Variants in PPP1R1B observed in about 807,000 individuals in gnomAD.
PPP1R1B encodes the protein protein phosphatase 1 regulatory inhibitor subunit 1B, also known as protein phosphatase 1 regulatory subunit 1B.
A neutral mutation model predicts 28.2 loss-of-function variants in PPP1R1B; 13 were observed. The observed-to-expected ratio is 0.46, with a 90% CI of 0.30 to 0.73. PPP1R1B has a LOEUF of 0.73. Among genes scored for constraint, PPP1R1B ranks in the 30% least tolerant of loss-of-function variants. The pLI, the probability that PPP1R1B is intolerant of heterozygous loss-of-function variation, is 0.07. For missense variants in PPP1R1B, 236 were observed against 256.7 expected (o/e 0.92, Z 0.55); for synonymous variants, 102 against 97.5 (o/e 1.05, Z -0.27).
In PPP1R1B at chr17:39,636,388, G is replaced by T. The variant is rs1340817995; in HGVS notation, c.*523G>T. 6.5e-6 allele frequency: 1 copy of T among 153,822 alleles called. No homozygotes were observed. 9.5% of individuals were successfully genotyped at this position (153,822 alleles called of 1,614,324 possible). Reference sequence around the variant, plus strand: ...TTTCTCCATAGCCTCAACATTTTGGGAATCTTCCCTTAATCACCCTTGCTC... The same window carrying T: ...TTTCTCCATAGCCTCAACATTTTGGTAATCTTCCCTTAATCACCCTTGCTC... On this transcript the variant is annotated 3_prime_UTR_variant, in exon 7 of 7. Transcript: ENST00000254079.
At chr17:39,629,390 C>A in intron 2 of PPP1R1B, 150 bp from the exon 3 acceptor site, 2 of 1,253,594 alleles carry the variant, frequency 1.6e-6, no homozygotes, top group Non-Finnish European at 2.3e-6. Flanking sequence ...TGACATGACA[C>A]CTCCCAGCCG....
rs763784768 is a variant in PPP1R1B at position 39,627,376 on chromosome 17, C to G, written c.-17C>G. 1 of 1,584,906 alleles carries G rather than the reference C, an allele frequency of 6.3e-7. No individual in the cohort carries two copies. Among genetic ancestry groups the G allele is most frequent in the South Asian group, 1.1e-5 (1 of 89,322 alleles). On this transcript the variant is annotated 5_prime_UTR_variant, in exon 1 of 7. Coordinates refer to ENST00000254079, the MANE Select transcript of PPP1R1B (RefSeq NM_032192.4). ...CCCGAGTCGCGCACCCCAGCCCCAC[C>G]GCCCACCCCGCGCGCCATGGACCCC...
intron 2 of PPP1R1B, 32 bp from the exon 3 acceptor site, chr17:39,629,507 TC>T: frequency 6.2e-7 from 1 of 1,613,558 alleles, no homozygotes; most frequent in Non-Finnish European, 8.5e-7. Flanking sequence ...CTCGCTTGGT[TC>T]TGGTTCGGTT....
intron 3 of PPP1R1B, among the ~76,000 whole-genome samples, 164 bp downstream of exon 3, chr17:39,629,726 A>G (rs2144837234): frequency 6.6e-6 from 1 of 152,356 alleles, no homozygotes. Flanking sequence ...GGGTGCCACC[A>G]GCAGATCCTC....
rs747625780 is a variant in PPP1R1B at position 39,634,028 on chromosome 17, A to C, written c.387A>C (p.Glu129Asp). Residue 129 changes from glutamate (E) to aspartate (D), a missense_variant, in exon 5 of 7, where the codon GAA (glutamate) becomes GAC (aspartate). Physicochemically the swap from Glu to Asp is conservative, Grantham distance 45. Coordinates refer to ENST00000254079, the MANE Select transcript of PPP1R1B (RefSeq NM_032192.4). ...ATGAGGAGGAAGAGGAGGATGATGA[A>C]GAAGAGGAAGAAGAAGAGGACAGCC... ...EEDEEEEEDD[E>D]EEEEEEDSQA... 1.2e-6 allele frequency: 2 copies of C among 1,613,876 alleles called. No individual in the cohort carries two copies. The highest frequency in any genetic ancestry group is 1.7e-6 in the Non-Finnish European group (2 of 1,179,920).
In PPP1R1B at chr17:39,633,975, C is replaced by G; in HGVS notation, c.334C>G (p.Arg112Gly). 6.2e-7 allele frequency: 1 copy of G among 1,613,806 alleles called. No individual in the cohort carries two copies. Among genetic ancestry groups the G allele is most frequent in the Non-Finnish European group, 8.5e-7 (1 of 1,179,886 alleles). The change falls in exon 5 of 7, where the codon CGG becomes GGG. Residue 112 changes from arginine to glycine, a missense_variant. Coordinates refer to ENST00000254079, the MANE Select transcript of PPP1R1B (RefSeq NM_032192.4). Reference protein sequence around the residue: ...SEEEDELGELRELGYPREEDE... With the variant: ...SEEEDELGELGELGYPREEDE... The stretch of plus-strand genomic sequence containing the variant: ...GGAGGAGGATGAGCTGGGGGAGCTT[C>G]GGGAGCTGGGTTATCCAAGAGAGGA...
intron 4 of PPP1R1B, 106 bp downstream of exon 4, chr17:39,630,153 G>A (rs2056866469): frequency 1.3e-5 from 14 of 1,097,440 alleles, no homozygotes; most frequent in Non-Finnish European, 1.8e-5. Flanking sequence ...GCCACACATA[G>A]CCCGCTGTCA....
rs758576278 is a variant in PPP1R1B, at chr17:39,634,019, GGAT to G, written c.384_386del (p.Asp128del). 24 of 1,613,802 alleles carry G rather than the reference GGAT, an allele frequency of 1.5e-5. No individual in the cohort carries two copies. Among genetic ancestry groups the G allele is most frequent in the East Asian group, 2.2e-5 (1 of 44,890 alleles). ...GAGAGGAAGATGAGGAGGAAGAGGAGGATGATGAAGAAGAGGAAGAAGAAGAGG... is the reference window on the plus strand; with the variant it reads ...GAGAGGAAGATGAGGAGGAAGAGGAGGATGAAGAAGAGGAAGAAGAAGAGG... On this transcript the variant is annotated inframe_deletion, in exon 5 of 7. Transcript: ENST00000254079.
rs769711711 is a variant in PPP1R1B, at chr17:39,627,496, C to T, written c.81+23C>T. The T allele has an allele frequency of 5.6e-6, 8 of 1,437,938 alleles. No individual in the cohort carries two copies. In the African/African-American group the frequency reaches 5.8e-5, roughly 10 times the overall value. The allele number at this position is 1,437,938 out of a possible 1,614,324, so 89.1% of individuals were successfully genotyped here. On this transcript the variant is annotated intron_variant, in intron 1 of 6. Coordinates refer to ENST00000254079, the MANE Select transcript of PPP1R1B (RefSeq NM_032192.4). ...ATGGTAAGGGGCCCGTGCCCCACCC[C>T]GGCAGCGTACCCGACACACCCCGCG... is the stretch of plus-strand genomic sequence containing the variant.
At chr17:39,627,772 G>A (rs574687118) in intron 1 of PPP1R1B, among the ~76,000 whole-genome samples, 5 of 152,176 alleles carry the variant, frequency 3.3e-5, no homozygotes, top group Non-Finnish European at 5.9e-5. Context: ...GGGTGGGGGC[G>A]TCCTTTGGTC....
chr17:39,630,128 G>A lies in PPP1R1B; in HGVS notation c.241+81G>A. The A allele has an allele frequency of 1.3e-5, 18 of 1,342,092 alleles. No homozygotes were observed. The Middle Eastern group carries it at 5.4e-4, about 41-fold the overall frequency. 83.1% of individuals were successfully genotyped at this position (1,342,092 alleles called of 1,614,324 possible). A position where few individuals can be genotyped will look rare whatever the true frequency, so the allele number is the denominator to read the frequency against. On this transcript the variant is annotated intron_variant, in intron 4 of 6. Transcript: ENST00000254079. ...GACGCTAGGGGAGCTTTTGTCAGTG[G>A]GGAGGGATTGTTTCGCCACACATAG...
intron 1 of PPP1R1B, among the ~76,000 whole-genome samples, chr17:39,628,283 C>G (rs1483498423): frequency 6.6e-6 from 1 of 151,956 alleles, no homozygotes; most frequent in African/African-American, 2.4e-5. Context: ...GGGTACAGTC[C>G]TGGGCCTAAG....
Position 39,627,157 on chromosome 17 carries a change from G to A in PPP1R1B, c.-236G>A. On this transcript the variant is annotated 5_prime_UTR_variant, in exon 1 of 7. Transcript: ENST00000254079. ...GAGCGAGGCACAGACCTGGCTCAGC[G>A]AGCGCGGGGGGCGAGCCCCGAGTCC... 1 of 470,988 alleles carries A rather than the reference G, an allele frequency of 2.1e-6. No individual in the cohort carries two copies. The allele number at this position is 470,988 out of a possible 1,614,324, so 29.2% of individuals were successfully genotyped here.
chr17:39,635,500 T>C (rs2056912742), intron 5 of PPP1R1B, 107 bp from the exon 6 acceptor site: 15 of 1,432,090 alleles, frequency 1.0e-5, no homozygotes, highest in Non-Finnish European at 1.4e-5. Context: ...GCTTCCATGA[T>C]GCCCCTGGAA....
chr17:39,634,096 G>A lies in PPP1R1B; in HGVS notation c.445+10G>A, dbSNP rs775570177. ...GTCATCAGGCAGTCTGGTAAGCTGA[G>A]GGGCCTGTGACATGTGGATTAGCTG... On this transcript the variant is annotated intron_variant, in intron 5 of 6. Coordinates refer to ENST00000254079, the MANE Select transcript of PPP1R1B (RefSeq NM_032192.4). 6 of 1,613,428 alleles carry A rather than the reference G, an allele frequency of 3.7e-6. No homozygotes were observed. Among genetic ancestry groups the A allele is most frequent in the South Asian group, 1.1e-5 (1 of 91,038 alleles).
chr17:39,629,552 C>G lies in PPP1R1B; in HGVS notation c.155C>G (p.Ser52Cys). 2 of 1,613,480 alleles carry G rather than the reference C, an allele frequency of 1.2e-6. No individual in the cohort carries two copies. The highest frequency in any genetic ancestry group is 1.7e-6 in the Non-Finnish European group (2 of 1,179,844). The stretch of plus-strand genomic sequence containing the variant: ...TGGCCTTCCTCAGAGGAGGAAGCCT[C>G]CCCCCACCAGGTGAGTTTCCTGGGG... ...SEHSSPEEEA[S>C]PHQRASGEGH... Residue 52 changes from serine to cysteine, a missense_variant, in exon 3 of 7, where the codon TCC (serine) becomes TGC (cysteine). Coordinates refer to ENST00000254079, the MANE Select transcript of PPP1R1B (RefSeq NM_032192.4).
rs2056914843 is a variant in PPP1R1B at position 39,635,658 on chromosome 17, C to T, written c.497C>T (p.Pro166Leu). The T allele has an allele frequency of 6.2e-7, 1 of 1,614,164 alleles. No homozygotes were observed. The highest frequency in any genetic ancestry group is 1.3e-5 in the African/African-American group (1 of 75,028). ...GQGLEGPWER[P>L]PPLDESERDG... is the part of the protein sequence containing the mutation. ...GGTCTGGAAGGGCCCTGGGAGCGCC[C>T]ACCCCCTCTGGATGAGTCCGAGAGA... Residue 166 changes from proline (P) to leucine (L), a missense_variant, in exon 6 of 7, where the codon CCA (proline) becomes CTA (leucine). By Grantham distance (98) the Pro-to-Leu change is moderately conservative. Coordinates refer to ENST00000254079, the MANE Select transcript of PPP1R1B (RefSeq NM_032192.4).
In PPP1R1B at chr17:39,627,113, C is replaced by T. The variant is rs1460001319; in HGVS notation, c.-280C>T. The T allele has an allele frequency of 1.4e-5, 6 of 432,024 alleles. No individual in the cohort carries two copies. The highest frequency in any genetic ancestry group is 2.4e-5 in the Non-Finnish European group (6 of 245,092). 26.8% of individuals were successfully genotyped at this position (432,024 alleles called of 1,614,324 possible). ...AGAGACACCGAGACGCAGAGACACC[C>T]AGGCCGGGGAGCGCGAGGGAGCGAG... is the stretch of plus-strand genomic sequence containing the variant. On this transcript the variant is annotated 5_prime_UTR_variant, in exon 1 of 7. Coordinates refer to ENST00000254079, the MANE Select transcript of PPP1R1B (RefSeq NM_032192.4).
intron 1 of PPP1R1B, 121 bp downstream of exon 1, chr17:39,627,594 C>G: frequency 1.6e-6 from 1 of 639,450 alleles, no homozygotes; most frequent in South Asian, 2.1e-5. Flanking sequence ...GAGAGCCGGG[C>G]TCTGCCTCGG....
Sources: gnomAD v4.1 joint callset for allele counts (sites outside exome capture counted in the v4.1 genomes callset) on GRCh38, gnomAD v4.1.1 for gene constraint, MANE v1.5 for transcripts, NCBI Gene and HGNC (gene_info 2026-07-23, HGNC 2026-07-21) for gene names.